SLC39A11: variants seen among roughly 807,000 people sequenced by gnomAD.
SLC39A11 encodes the protein solute carrier family 39 member 11, also known as zinc transporter ZIP11.
Under a neutral mutation model 36.1 loss-of-function variants are expected in SLC39A11, and 33 were observed. That is an observed-to-expected ratio of 0.91 (90% confidence interval 0.69 to 1.22). The LOEUF (loss-of-function observed/expected upper bound fraction) is 1.22. Among genes scored for constraint, SLC39A11 ranks in the 50% most tolerant of loss-of-function variants. The pLI is 0.00. For synonymous variants in SLC39A11, 166 were observed against 170.3 expected, an observed-to-expected ratio of 0.97 and a Z score of 0.20; for missense variants, 432 against 430.3, an observed-to-expected ratio of 1.00 and a Z score of -0.03.
At chr17:73,066,277 C>T (rs972746757) in intron 3 of SLC39A11, among the ~76,000 whole-genome samples, 13 of 152,296 alleles carry the variant, frequency 8.5e-5, no homozygotes, top group African/African-American at 2.9e-4. Context: ...TTATACTCTC[C>T]AGTCTAGTGG....
intron 7 of SLC39A11, among the ~76,000 whole-genome samples, chr17:72,682,096 C>T (rs60762024): frequency 0.078 from 11,446 of 145,872 alleles, 682 homozygotes; most frequent in African/African-American, 0.19. Flanking sequence ...TATCGTGAAC[C>T]GCACATGCAA....
intron 5 of SLC39A11, among the ~76,000 whole-genome samples, chr17:72,860,418 T>C (rs1399200511): frequency 6.6e-6 from 1 of 152,200 alleles, no homozygotes; most frequent in Non-Finnish European, 1.5e-5. Context: ...AATATACACA[T>C]GTATGTGCCC....
intron 4 of SLC39A11, 35 bp downstream of exon 4, chr17:73,031,521 C>T (rs1419658020): frequency 1.2e-6 from 2 of 1,611,596 alleles, no homozygotes; most frequent in Non-Finnish European, 1.7e-6. Flanking sequence ...CTGGTTGTAT[C>T]CCGATACGAC....
At chr17:72,946,720 A>AG (rs1343438253) in intron 5 of SLC39A11, among the ~76,000 whole-genome samples, 1 of 152,138 alleles carries the variant, frequency 6.6e-6, no homozygotes, top group Non-Finnish European at 1.5e-5. Context: ...ATAAATCCAA[A>AG]GGGGAAAAAA....
At chr17:72,647,762 C>T in intron 9 of SLC39A11, 100 bp from the exon 10 acceptor site, 1 of 865,284 alleles carries the variant, frequency 1.2e-6, no homozygotes, top group Non-Finnish European at 1.9e-6. Flanking sequence ...CAAGAGAAAG[C>T]ACACTACCAT....
At chr17:72,906,235 C>A (rs2082650614) in intron 5 of SLC39A11, among the ~76,000 whole-genome samples, 1 of 152,232 alleles carries the variant, frequency 6.6e-6, no homozygotes, top group Admixed American at 6.5e-5. Flanking sequence ...CTGGCTGCGG[C>A]CAGGTGACCA....
At chr17:72,657,587 C>T (rs2070191732) in intron 7 of SLC39A11, among the ~76,000 whole-genome samples, 1 of 152,108 alleles carries the variant, frequency 6.6e-6, no homozygotes, top group African/African-American at 2.4e-5. Context: ...GGGACAGGAA[C>T]TAGGGTGCCC....
rs74446361 is a variant in SLC39A11 at position 72,946,042 on chromosome 17, G to A, written c.430+1710C>T. On this transcript the variant is annotated intron_variant, in intron 5 of 9. Transcript: ENST00000255559. ...TCAAAGGGGAACCCAGGAGCCCAGC[G>A]CAGTCATGTTAGTGAAAATAGACAG... Among the ~76,000 whole-genome samples, 185 of 152,266 alleles carry A rather than the reference G, an allele frequency of 1.2e-3. No individual in the cohort carries two copies. In the East Asian group the frequency reaches 0.029, roughly 24 times the overall value.
intron 3 of SLC39A11, among the ~76,000 whole-genome samples, chr17:73,057,104 C>A (rs2059693846): frequency 6.6e-6 from 1 of 152,088 alleles, no homozygotes; most frequent in Non-Finnish European, 1.5e-5. Context: ...GCACCTGCAA[C>A]CATGCCCAGT....
chr17:73,047,030 T>A (rs544331680), intron 3 of SLC39A11, among the ~76,000 whole-genome samples: 1 of 149,090 alleles, frequency 6.7e-6, no homozygotes, highest in East Asian at 1.9e-4. Context: ...TTTATTTATT[T>A]TTTTTTTTTT....
At chr17:73,081,350 G>C (rs1011947521) in intron 3 of SLC39A11, among the ~76,000 whole-genome samples, 1 of 152,052 alleles carries the variant, frequency 6.6e-6, no homozygotes, top group Non-Finnish European at 1.5e-5. Flanking sequence ...GGTGAAAAGG[G>C]AACACTTTTA....
chr17:72,764,587 A>G (rs757157801), intron 6 of SLC39A11, among the ~76,000 whole-genome samples: 1 of 152,090 alleles, frequency 6.6e-6, no homozygotes, highest in East Asian at 1.9e-4. Context: ...AGAAAAACCT[A>G]CACGGCATGG....
At chr17:72,937,499 T>C (rs1567984342) in intron 5 of SLC39A11, among the ~76,000 whole-genome samples, 1 of 152,018 alleles carries the variant, frequency 6.6e-6, no homozygotes, top group African/African-American at 2.4e-5. Context: ...TAAATCTCAC[T>C]GGCCAGCTGG....
At position 72,742,877 on chromosome 17, in the gene SLC39A11, G is replaced by A. The variant is rs569409486; in HGVS notation, c.602-6158C>T. 3.3e-5 allele frequency among the ~76,000 whole-genome samples: 5 copies of A among 152,322 alleles called. No individual in the cohort carries two copies. In the East Asian group the frequency reaches 9.6e-4, roughly 29 times the overall value. Reference sequence around the variant, plus strand: ...GGCAGGGCTCAAGTCATCATTAGGAGAGAATTTATTTTAAAAGTGTCATCT... The same window carrying A: ...GGCAGGGCTCAAGTCATCATTAGGAAAGAATTTATTTTAAAAGTGTCATCT... On this transcript the variant is annotated intron_variant, in intron 6 of 9. Transcript: ENST00000255559.
In SLC39A11 at chr17:72,873,032, C is replaced by T. The variant is rs577356224; in HGVS notation, c.431-23228G>A. Among the ~76,000 whole-genome samples, 57 of 133,360 alleles carry T rather than the reference C, an allele frequency of 4.3e-4. 1 individual carries two copies. The South Asian group carries it at 0.012, about 27-fold the overall frequency. 87.5% of individuals were successfully genotyped at this position (133,360 alleles called of 152,430 possible). ...TCGCGCCACTGCACTCTAGCCTGGG[C>T]GACAGGGGCAAGACTCCATCTCAAA... On this transcript the variant is annotated intron_variant, in intron 5 of 9. Coordinates refer to ENST00000255559, the MANE Select transcript of SLC39A11 (RefSeq NM_139177.4).
chr17:72,798,414 C>CTTTTTTTTTTTTTTTTTTTTTTTTTT (rs145211486), intron 6 of SLC39A11, among the ~76,000 whole-genome samples: 1 of 140,634 alleles, frequency 7.1e-6, no homozygotes. Flanking sequence ...CCACTTCTTT[C>CTTTTTTTTTTTTTTTTTTTTTTTTTT]TTTCTTTTTT....
intron 3 of SLC39A11, among the ~76,000 whole-genome samples, chr17:73,063,517 A>C (rs2059908535): frequency 1.3e-5 from 2 of 152,158 alleles, no homozygotes; most frequent in African/African-American, 4.8e-5. Flanking sequence ...CTAAAGGCTG[A>C]GGCAGGAGAA....
intron 3 of SLC39A11, among the ~76,000 whole-genome samples, chr17:73,038,427 A>G (rs1212774189): frequency 6.6e-6 from 1 of 151,762 alleles, no homozygotes; most frequent in East Asian, 2.0e-4. Flanking sequence ...GGCTGGGCAC[A>G]GTGGCTCACG....
In SLC39A11 at chr17:72,760,411, C is replaced by T. The variant is rs561435471; in HGVS notation, c.602-23692G>A. ...CTTCCTGTAGAGAGCCAGTATGATC[C>T]ATCTGAGCCTTTTGCTCCCTCCTAT... On this transcript the variant is annotated intron_variant, in intron 6 of 9. Coordinates refer to ENST00000255559, the MANE Select transcript of SLC39A11 (RefSeq NM_139177.4). 3.3e-5 allele frequency among the ~76,000 whole-genome samples: 5 copies of T among 152,348 alleles called. No individual in the cohort carries two copies. The South Asian group carries it at 1.0e-3, about 32-fold the overall frequency.
Sources: gnomAD v4.1 joint callset for allele counts (sites outside exome capture counted in the v4.1 genomes callset) on GRCh38, gnomAD v4.1.1 for gene constraint, MANE v1.5 for transcripts, NCBI Gene and HGNC (gene_info 2026-07-23, HGNC 2026-07-21) for gene names.